Variants in ELN observed in about 807,000 individuals in gnomAD.
ELN encodes tropoelastin.
A neutral mutation model predicts 105.8 loss-of-function variants in ELN; 65 were observed. The observed-to-expected ratio is 0.61, with a 90% confidence interval of 0.50 to 0.75. The LOEUF is 0.75. ELN is among the 30% of genes least tolerant of loss of function. ELN has a pLI of 0.00. For synonymous variants in ELN, 368 were observed against 389.2 expected (o/e 0.95, Z 0.64); for missense variants, 882 against 969.4 (o/e 0.91, Z 1.20).
rs1238649269 is a variant in ELN, at chr7:74,060,465, C to G, written c.1711C>G (p.Leu571Val). The G allele has an allele frequency of 6.2e-7, 1 of 1,613,870 alleles. No homozygotes were observed. The highest frequency in any genetic ancestry group is 1.1e-5 in the South Asian group (1 of 91,072). Residue 571 changes from leucine (L) to valine (V), a missense_variant, in exon 25 of 33, where the codon CTT becomes GTT. Coordinates refer to ENST00000252034, the MANE Select transcript of ELN (RefSeq NM_000501.4). ...GLGVGAGVPG[L>V]GVGAGVPGFG... ...TGGAGTTGGTGCTGGTGTTCCTGGA[C>G]TTGGAGTTGGTGCTGGTGTTCCTGG...
chr7:74,028,224 GTCC>G lies in ELN; in HGVS notation c.42_44del (p.Leu18del). On this transcript the variant is annotated inframe_deletion, in exon 1 of 33. Transcript: ENST00000252034. Reference sequence around the variant, plus strand: ...GACGGCGGCGGCCCCGCGGCCCGGAGTCCTCCTGCTCCTGCTGTCCATCCTCCA... The same window carrying G: ...GACGGCGGCGGCCCCGCGGCCCGGAGTCCTGCTCCTGCTGTCCATCCTCCA... 1 of 1,611,114 alleles carries G rather than the reference GTCC, an allele frequency of 6.2e-7. No individual in the cohort carries two copies. The highest frequency in any genetic ancestry group is 1.3e-5 in the African/African-American group (1 of 75,032).
chr7:74,031,483 G>A (rs985940066), intron 1 of ELN, among the ~76,000 whole-genome samples: 1 of 152,328 alleles, frequency 6.6e-6, no homozygotes, highest in African/African-American at 2.4e-5. Context: ...GTTTTGTCTA[G>A]TGGAGGGGCA....
chr7:74,028,897 T>A (rs1202722067), intron 1 of ELN, among the ~76,000 whole-genome samples: 3 of 151,956 alleles, frequency 2.0e-5, no homozygotes, highest in Non-Finnish European at 2.9e-5. Flanking sequence ...CACACAGGAA[T>A]GAGCGTGCTG....
At chr7:74,057,900 T>A (rs1362161961) in intron 22 of ELN, among the ~76,000 whole-genome samples, 1 of 152,114 alleles carries the variant, frequency 6.6e-6, no homozygotes, top group African/African-American at 2.4e-5. Flanking sequence ...GGGAGCAGGG[T>A]GAGCAGTGTG....
At chr7:74,052,061 T>A in intron 17 of ELN, 78 bp downstream of exon 17, 1 of 1,560,242 alleles carries the variant, frequency 6.4e-7, no homozygotes. Flanking sequence ...CAAAGCCAGA[T>A]GGACTTGGCC....
chr7:74,033,617 G>A (rs1323724151), intron 1 of ELN, among the ~76,000 whole-genome samples: 1 of 152,236 alleles, frequency 6.6e-6, no homozygotes, highest in Non-Finnish European at 1.5e-5. Flanking sequence ...GTGGCGCCGG[G>A]GTCTTGGCTC....
At chr7:74,041,104 C>T in intron 4 of ELN, 112 bp from the exon 5 acceptor site, 1 of 1,409,162 alleles carries the variant, frequency 7.1e-7, no homozygotes. Context: ...GCTTAGGGAC[C>T]AGCCTAGGGA....
Position 74,068,576 on chromosome 7 carries a change from G to A in ELN, c.2132-81G>A, listed in dbSNP as rs1293113734. ...TCTTGGCTTCTTGGAGCCTCCATTC[G>A]AGTGGGTCAGAGCAGGCGGGGATTA... On this transcript the variant is annotated intron_variant, in intron 32 of 32. Transcript: ENST00000252034. 1.5e-5 allele frequency: 24 copies of A among 1,569,632 alleles called. No homozygotes were observed. In the East Asian group the frequency reaches 2.9e-4, roughly 19 times the overall value.
rs1002532670 is a variant in ELN at position 74,052,339 on chromosome 7, G to A, written c.949+356G>A. On this transcript the variant is annotated intron_variant, in intron 17 of 32. Coordinates refer to ENST00000252034, the MANE Select transcript of ELN (RefSeq NM_000501.4). ...ATTCTAGCTATGCACAGTGGCTCAC[G>A]CCTGTAATCCCAACAATTTGGGAGG... 2.3e-5 allele frequency: 7 copies of A among 310,954 alleles called. No homozygotes were observed. The Admixed American group carries it at 2.7e-4, about 12-fold the overall frequency. The allele number at this position is 310,954 out of a possible 1,614,324, so 19.3% of individuals were successfully genotyped here.
At position 74,065,738 on chromosome 7, in the gene ELN, T is replaced by A. The variant is rs1797798579; in HGVS notation, c.2032+6T>A. On this transcript the variant is annotated splice_donor_region_variant and intron_variant, in intron 30 of 32. Transcript: ENST00000252034. The stretch of plus-strand genomic sequence containing the variant: ...CGCTAAAGCAGCTAAATACGGTGAG[T>A]TCCCCTCTGATGCCTTCCTGCCAGT... The A allele has an allele frequency of 1.9e-6, 3 of 1,613,426 alleles. No homozygotes were observed. The highest frequency in any genetic ancestry group is 2.7e-5 in the African/African-American group (2 of 74,632).
At chr7:74,055,188 C>G (rs1385399608) in intron 19 of ELN, among the ~76,000 whole-genome samples, 1 of 152,196 alleles carries the variant, frequency 6.6e-6, no homozygotes, top group Non-Finnish European at 1.5e-5. Flanking sequence ...ACCTGTAATC[C>G]CAGCAATTTG....
intron 25 of ELN, among the ~76,000 whole-genome samples, chr7:74,060,894 T>G (rs950848766): frequency 1.3e-5 from 2 of 152,164 alleles, no homozygotes; most frequent in Non-Finnish European, 2.9e-5. Context: ...CCTCAGGCAG[T>G]CCATGCTAGG....
chr7:74,065,616 GAAAAA>G (rs71519315), intron 29 of ELN, 73 bp from the exon 30 acceptor site: 153 of 1,278,176 alleles, frequency 1.2e-4, no homozygotes, highest in Non-Finnish European at 1.4e-4. Context: ...TCTGCCTCAA[GAAAAA>G]AAAAAAAAAA....
intron 29 of ELN, among the ~76,000 whole-genome samples, chr7:74,065,370 T>G (rs1185064807): frequency 1.3e-5 from 2 of 151,704 alleles, no homozygotes; most frequent in Non-Finnish European, 1.5e-5. Flanking sequence ...ATGTCAGCAC[T>G]TTGGGAGGCC....
chr7:74,041,164 C>T (rs1791112157), intron 4 of ELN, 52 bp from the exon 5 acceptor site: 1 of 1,613,048 alleles, frequency 6.2e-7, no homozygotes, highest in South Asian at 1.1e-5. Flanking sequence ...ACATTTCCCA[C>T]TCTGGGCCTA....
intron 32 of ELN, among the ~76,000 whole-genome samples, chr7:74,067,998 G>T (rs1464879327): frequency 2.0e-5 from 3 of 146,554 alleles, no homozygotes; most frequent in African/African-American, 7.7e-5. Flanking sequence ...CCCACTCTCT[G>T]CTCACTGCCA....
chr7:74,063,652 CGGAGTCGGAGGGCTT>C lies in ELN; in HGVS notation c.1956_1970del (p.Gly653_Val657del), dbSNP rs782015142. ...TGGGAGCCGCTGGGCTCGGAGGACT[CGGAGTCGGAGGGCTT>C]GGAGTTCCAGGTGTTGGGGGCCTTG... On this transcript the variant is annotated inframe_deletion, in exon 29 of 33. Coordinates refer to ENST00000252034, the MANE Select transcript of ELN (RefSeq NM_000501.4). This position sits in a 1 kb window ranked among gnomAD's most constrained non-coding sequence, Gnocchi z 4.1. The C allele has an allele frequency of 1.2e-4, 201 of 1,613,986 alleles. No individual in the cohort carries two copies. Among genetic ancestry groups the C allele is most frequent in the Admixed American group, 6.8e-4 (41 of 59,976 alleles).
intron 24 of ELN, 94 bp downstream of exon 24, chr7:74,060,278 G>T: frequency 6.2e-7 from 1 of 1,613,806 alleles, no homozygotes; most frequent in Non-Finnish European, 8.5e-7. Flanking sequence ...TTGGATCTGG[G>T]CCCCTTCCTC....
chr7:74,048,235 G>A (rs1400695167), intron 14 of ELN, 34 bp downstream of exon 14: 6 of 1,613,668 alleles, frequency 3.7e-6, no homozygotes, highest in Non-Finnish European at 4.2e-6. Context: ...CCAGCCAAGG[G>A]AGCACTGATC....
Sources: allele counts gnomAD v4.1 joint callset (sites outside exome capture counted in the v4.1 genomes callset), GRCh38; gene constraint gnomAD v4.1.1; non-coding constraint Gnocchi (gnomAD v3.1); transcripts MANE v1.5; gene names NCBI Gene and HGNC (gene_info 2026-07-23, HGNC 2026-07-21).